Variants in AHRR observed in about 807,000 individuals in gnomAD.
The protein encoded by AHRR is ahR repressor.
AHRR carries 28 observed loss-of-function variants against 44.0 expected under a neutral mutation model. The ratio of observed to expected loss-of-function variants is 0.64; its 90% CI spans 0.47 to 0.87. AHRR has a LOEUF of 0.87. Ranked by LOEUF, AHRR falls within the 40% of genes least tolerant of loss-of-function variation. AHRR has a pLI of 0.00. For synonymous variants in AHRR, 434 were observed against 407.0 expected (o/e 1.07, Z -0.80); for missense variants, 990 against 953.9 (o/e 1.04, Z -0.50).
intron 2 of AHRR, among the ~76,000 whole-genome samples, chr5:345,338 G>GAA (rs1210731519): frequency 1.8e-4 from 2 of 11,018 alleles, no homozygotes; most frequent in African/African-American, 3.4e-4. Context: ...GTGTGGGGAT[G>GAA]TGTGTGTGTG....
intron 1 of AHRR, among the ~76,000 whole-genome samples, chr5:329,260 T>C (rs1741832749): frequency 6.6e-6 from 1 of 152,222 alleles, no homozygotes; most frequent in Admixed American, 6.5e-5. Flanking sequence ...TAGAGTGCAT[T>C]GGCGCATAGC....
At chr5:421,082 A>G (rs1173069193) in intron 5 of AHRR, 8 of 540,314 alleles carry the variant, frequency 1.5e-5, no homozygotes, top group Admixed American at 1.1e-4. Flanking sequence ...AAAGAGGGAA[A>G]AGGACAAACA....
Position 395,297 on chromosome 5 carries a change from C to G in AHRR, c.352-18047C>G, listed in dbSNP as rs1213954911. On this transcript the variant is annotated intron_variant, in intron 4 of 10. Coordinates refer to ENST00000684583, the MANE Select transcript of AHRR (RefSeq NM_001377236.1). This position sits in a 1 kb window ranked among gnomAD's most constrained non-coding sequence, Gnocchi z 5.3. ...GCAGACAGAGGGGGCCTGGGAGACA[C>G]GAGCCCCGGTGGTGGGATGCAGTTA... Among the ~76,000 whole-genome samples, 2 of 152,170 alleles carry G rather than the reference C, an allele frequency of 1.3e-5. No homozygotes were observed. The highest frequency in any genetic ancestry group is 2.9e-5 in the Non-Finnish European group (2 of 68,032).
intron 3 of AHRR, 53 bp from the exon 4 acceptor site, chr5:376,557 A>AACC (rs368685976): frequency 2.0e-4 from 289 of 1,428,694 alleles, no homozygotes; most frequent in Admixed American, 5.2e-4. Flanking sequence ...AATGAAGAAG[A>AACC]GTGGCCAGGC....
intron 2 of AHRR, among the ~76,000 whole-genome samples, chr5:344,782 GGTGTGCGAGGCTGTGTGAGACTGT>G (rs779902219): frequency 1.7e-4 from 21 of 120,990 alleles, no homozygotes; most frequent in East Asian, 2.5e-4. Context: ...TGACTGTGCG[GGTGTGCGAGGCTGTGTGAGACTGT>G]GTGTGCGGGT....
At chr5:397,871 T>TTAGCCCCTGACCATCCACG (rs1734809956) in intron 4 of AHRR, among the ~76,000 whole-genome samples, 1 of 61,946 alleles carries the variant, frequency 1.6e-5, no homozygotes, top group Admixed American at 1.6e-4. Context: ...ACCATCCCTG[T>TTAGCCCCTGACCATCCACG]TAGCCCCTGA....
chr5:432,957 G>A lies in AHRR; in HGVS notation c.1112+10G>A, dbSNP rs779210807. The A allele has an allele frequency of 3.2e-6, 5 of 1,581,582 alleles. No homozygotes were observed. Among genetic ancestry groups the A allele is most frequent in the Non-Finnish European group, 4.3e-6 (5 of 1,163,244 alleles). On this transcript the variant is annotated intron_variant, in intron 10 of 10. Transcript: ENST00000684583. ...CCAAGGGGGGCTCAGGGTAAGTGGTGCCAGGCAGCCTCCCCCAGCCCTGGC... is the reference window on the plus strand; with the variant it reads ...CCAAGGGGGGCTCAGGGTAAGTGGTACCAGGCAGCCTCCCCCAGCCCTGGC...
chr5:432,782 TCC>T (rs3214560), intron 9 of AHRR, 22 bp from the exon 10 acceptor site: 1 of 1,612,550 alleles, frequency 6.2e-7, no homozygotes, highest in Non-Finnish European at 8.5e-7. Context: ...CGTGACGGCT[TCC>T]CCCCCCTCTA....
chr5:412,633 A>C (rs959455950), intron 4 of AHRR, among the ~76,000 whole-genome samples: 3 of 152,138 alleles, frequency 2.0e-5, no homozygotes, highest in Non-Finnish European at 4.4e-5. Flanking sequence ...AAAATCTATC[A>C]ATCACACACT....
intron 8 of AHRR, among the ~76,000 whole-genome samples, chr5:431,838 G>A (rs939004911): frequency 6.6e-6 from 1 of 152,202 alleles, no homozygotes; most frequent in African/African-American, 2.4e-5. Flanking sequence ...TGTTAGTCAT[G>A]GGCCTCCTGG....
At chr5:400,609 C>G (rs1488565009) in intron 4 of AHRR, among the ~76,000 whole-genome samples, 1 of 151,630 alleles carries the variant, frequency 6.6e-6, no homozygotes, top group African/African-American at 2.4e-5. Flanking sequence ...GGAGAGAAAA[C>G]AAACAGACGT....
intron 1 of AHRR, among the ~76,000 whole-genome samples, chr5:324,835 G>A (rs1448493973): frequency 6.6e-6 from 1 of 152,086 alleles, no homozygotes; most frequent in Non-Finnish European, 1.5e-5. Context: ...TGGTTATTCA[G>A]GGGGCACTGG....
intron 4 of AHRR, among the ~76,000 whole-genome samples, chr5:385,140 G>A (rs528895947): frequency 6.6e-6 from 1 of 152,038 alleles, no homozygotes; most frequent in African/African-American, 2.4e-5. Context: ...CACTTCTTAT[G>A]GTGCAGGTCT....
intron 3 of AHRR, among the ~76,000 whole-genome samples, chr5:369,744 C>A (rs1183390429): frequency 6.6e-6 from 1 of 152,222 alleles, no homozygotes; most frequent in Non-Finnish European, 1.5e-5. Context: ...CAGAAAGTAA[C>A]TGGGTGGTGA....
intron 2 of AHRR, among the ~76,000 whole-genome samples, chr5:349,095 C>T (rs1035076596): frequency 7.2e-5 from 11 of 152,202 alleles, no homozygotes; most frequent in African/African-American, 2.7e-4. Flanking sequence ...TGTGCTTCTT[C>T]ACCATCCATA....
intron 1 of AHRR, among the ~76,000 whole-genome samples, chr5:322,105 C>G (rs1741516878): frequency 6.6e-6 from 1 of 151,996 alleles, no homozygotes; most frequent in Non-Finnish European, 1.5e-5. Flanking sequence ...ACTCCCCGGG[C>G]GTTCCGTGCG....
At position 342,851 on chromosome 5, in the gene AHRR, C is replaced by T. The variant is rs1742391025; in HGVS notation, c.-10-1042C>T. On this transcript the variant is annotated intron_variant, in intron 1 of 10. Coordinates refer to ENST00000684583, the MANE Select transcript of AHRR (RefSeq NM_001377236.1). This position sits in a 1 kb window ranked among gnomAD's most constrained non-coding sequence, Gnocchi z 4.3. The stretch of plus-strand genomic sequence containing the variant: ...AAGCTGACCAGCCTGGGCACAGATA[C>T]TGGGCTGCTCCTCAGGGGCCCCGCT... Among the ~76,000 whole-genome samples the T allele has an allele frequency of 6.6e-6, 1 of 152,242 alleles. No individual in the cohort carries two copies. Among genetic ancestry groups the T allele is most frequent in the South Asian group, 2.1e-4 (1 of 4,832 alleles).
intron 6 of AHRR, among the ~76,000 whole-genome samples, chr5:423,106 C>T (rs1736209575): frequency 6.6e-6 from 1 of 152,152 alleles, no homozygotes; most frequent in Admixed American, 6.5e-5. Context: ...CTCTGCCAGG[C>T]TTGAGGTCAC....
At chr5:352,214 C>G (rs866965671) in intron 2 of AHRR, among the ~76,000 whole-genome samples, 6 of 152,342 alleles carry the variant, frequency 3.9e-5, no homozygotes, top group Middle Eastern at 3.4e-3. Flanking sequence ...AGGGGACAGT[C>G]ACTGTGAGGT....
Sources: allele counts gnomAD v4.1 joint callset (sites outside exome capture counted in the v4.1 genomes callset), GRCh38; gene constraint gnomAD v4.1.1; non-coding constraint Gnocchi (gnomAD v3.1); transcripts MANE v1.5; gene names NCBI Gene and HGNC (gene_info 2026-07-23, HGNC 2026-07-21).